SULF1: variants seen among roughly 807,000 people sequenced by gnomAD.
The protein encoded by SULF1 is sulfatase 1, also known as extracellular sulfatase Sulf-1.
Under a neutral mutation model 110.5 loss-of-function variants are expected in SULF1, and 46 were observed. The ratio of observed to expected loss-of-function variants is 0.42; its 90% CI spans 0.33 to 0.53. The LOEUF is 0.53. Ranked by LOEUF, SULF1 falls within the 20% of genes least tolerant of loss-of-function variation. The pLI is 0.12. For synonymous variants in SULF1, 371 were observed against 387.1 expected, an observed-to-expected ratio of 0.96 and a Z score of 0.49; for missense variants, 941 against 1,094.2, an observed-to-expected ratio of 0.86 and a Z score of 1.98.
intron 22 of SULF1, among the ~76,000 whole-genome samples, chr8:69,652,286 A>G (rs1812401084): frequency 6.6e-6 from 1 of 152,218 alleles, no homozygotes; most frequent in South Asian, 2.1e-4. Flanking sequence ...TTGGCCAGGT[A>G]AAGGAACTTG....
intron 21 of SULF1, 128 bp downstream of exon 21, chr8:69,638,986 A>G (rs911768196): frequency 1.2e-5 from 11 of 943,030 alleles, no homozygotes; most frequent in Admixed American, 3.1e-5. Flanking sequence ...GACACTTTCC[A>G]GGCAATTCTA....
intron 5 of SULF1, among the ~76,000 whole-genome samples, chr8:69,572,194 CT>C (rs1355264376): frequency 6.6e-6 from 1 of 152,186 alleles, no homozygotes; most frequent in Non-Finnish European, 1.5e-5. Context: ...AATTCTGTTT[CT>C]CATCTTGAAA....
intron 8 of SULF1, among the ~76,000 whole-genome samples, chr8:69,590,175 T>A (rs1017803384): frequency 1.3e-5 from 2 of 152,190 alleles, no homozygotes. Flanking sequence ...TGTTCTCTTT[T>A]TTTTGAGACA....
At chr8:69,552,530 G>A (rs60850795) in intron 3 of SULF1, among the ~76,000 whole-genome samples, 2,437 of 152,314 alleles carry the variant, frequency 0.016, 65 homozygotes, top group African/African-American at 0.056. Context: ...TGGTACATAA[G>A]GACATTTTTC....
At chr8:69,603,402 C>T in intron 11 of SULF1, 82 bp downstream of exon 11, 1 of 1,601,142 alleles carries the variant, frequency 6.2e-7, no homozygotes, top group Non-Finnish European at 8.5e-7. Flanking sequence ...CAGCTGAAGA[C>T]ATGGAGGCAG....
chr8:69,564,117 G>C lies in SULF1; in HGVS notation c.142G>C (p.Val48Leu). 1 of 1,614,164 alleles carries C rather than the reference G, an allele frequency of 6.2e-7. No individual in the cohort carries two copies. The highest frequency in any genetic ancestry group is 1.3e-5 in the African/African-American group (1 of 75,034). Residue 48 changes from valine to leucine, a missense_variant, in exon 5 of 23, where the codon GTG becomes CTG. Physicochemically the swap from Val to Leu is conservative, Grantham distance 32 (BLOSUM62 1). This residue lies in a region of SULF1 where 822 missense variants were observed against 934.3 expected (regional missense o/e 0.88). Transcript: ENST00000402687. ...AAACATCCGACCCAACATTATTCTTGTGCTTACCGATGATCAAGATGTGGA... is the reference window on the plus strand; with the variant it reads ...AAACATCCGACCCAACATTATTCTTCTGCTTACCGATGATCAAGATGTGGA... ...RKNIRPNIIL[V>L]LTDDQDVELG...
At chr8:69,510,214 T>G (rs940011611) in intron 3 of SULF1, among the ~76,000 whole-genome samples, 6 of 152,104 alleles carry the variant, frequency 3.9e-5, no homozygotes, top group Non-Finnish European at 8.8e-5. Flanking sequence ...CGTTCAAGAG[T>G]TATCACCCAC....
intron 3 of SULF1, among the ~76,000 whole-genome samples, chr8:69,535,962 G>C (rs1195227001): frequency 1.3e-5 from 2 of 151,622 alleles, no homozygotes; most frequent in Non-Finnish European, 2.9e-5. Flanking sequence ...AGGTTGCAGT[G>C]AGCCGAGATT....
intron 5 of SULF1, among the ~76,000 whole-genome samples, chr8:69,566,569 G>A (rs11991463): frequency 0.23 from 34,815 of 152,064 alleles, 4,256 homozygotes; most frequent in African/African-American, 0.32. Context: ...CTAGCTCATT[G>A]GCTGGGTGTG....
intron 6 of SULF1, among the ~76,000 whole-genome samples, chr8:69,580,930 A>G (rs566830038): frequency 1.9e-3 from 286 of 151,984 alleles, no homozygotes; most frequent in Non-Finnish European, 3.2e-3. Flanking sequence ...TTTATTCTCT[A>G]ATATGAGATT....
chr8:69,649,130 A>T (rs768228378), intron 22 of SULF1, among the ~76,000 whole-genome samples: 1 of 152,244 alleles, frequency 6.6e-6, no homozygotes, highest in Non-Finnish European at 1.5e-5. Flanking sequence ...AAACCAGGAG[A>T]CACATGGAAA....
At chr8:69,513,072 ATCTG>A (rs894847440) in intron 3 of SULF1, among the ~76,000 whole-genome samples, 23 of 152,324 alleles carry the variant, frequency 1.5e-4, no homozygotes, top group Admixed American at 2.6e-4. Flanking sequence ...CTAGGATATT[ATCTG>A]TCTATTTATT....
rs561676465 is a variant in SULF1, at chr8:69,482,224, C to T, written c.-390-13541C>T. On this transcript the variant is annotated intron_variant, in intron 1 of 22. Coordinates refer to the SULF1 transcript ENST00000260128. ...ACTGAGAAAAATTTGGCACTATAAC[C>T]GGCTAGATAATGGGCTCTCTTCATT... 4.4e-4 allele frequency among the ~76,000 whole-genome samples: 67 copies of T among 152,238 alleles called. 1 individual carries two copies. The highest frequency in any genetic ancestry group is 3.4e-3 in the Middle Eastern group (1 of 294).
chr8:69,589,238 G>C (rs988367949), intron 8 of SULF1, 97 bp downstream of exon 8: 3 of 1,180,214 alleles, frequency 2.5e-6, no homozygotes. Flanking sequence ...TCCACCCTGC[G>C]TATCCACAAG....
chr8:69,592,632 A>G (rs1387063851), intron 8 of SULF1, among the ~76,000 whole-genome samples: 3 of 152,216 alleles, frequency 2.0e-5, no homozygotes, highest in African/African-American at 7.2e-5. Flanking sequence ...ATGTGATGTC[A>G]TGAAGAGAAA....
chr8:69,589,018 A>G lies in SULF1; in HGVS notation c.611A>G (p.Lys204Arg). ...LITNESINYF[K>R]MSKRMYPHRP... ...ACTAACGAGAGCATTAATTACTTCA[A>G]AATGTCTAAGAGAATGTATCCCCAT... The change falls in exon 8 of 23, where the codon AAA (lysine) becomes AGA (arginine). Residue 204 changes from lysine to arginine, a missense_variant. Physicochemically the swap from Lys to Arg is conservative, Grantham distance 26. Coordinates refer to ENST00000402687, the MANE Select transcript of SULF1 (RefSeq NM_001128205.2). 1.2e-6 allele frequency: 2 copies of G among 1,614,134 alleles called. No homozygotes were observed. Among genetic ancestry groups the G allele is most frequent in the Non-Finnish European group, 1.7e-6 (2 of 1,179,990 alleles).
intron 6 of SULF1, among the ~76,000 whole-genome samples, chr8:69,584,899 T>G (rs1806336031): frequency 6.6e-6 from 1 of 152,212 alleles, no homozygotes; most frequent in Admixed American, 6.5e-5. Flanking sequence ...TGTACATCAT[T>G]AAGTTTAAAA....
intron 3 of SULF1, among the ~76,000 whole-genome samples, chr8:69,518,390 T>A (rs1812077762): frequency 6.6e-6 from 1 of 152,234 alleles, no homozygotes; most frequent in South Asian, 2.1e-4. Context: ...TGACTAATTT[T>A]TCTCCTGGTT....
intron 2 of SULF1, among the ~76,000 whole-genome samples, chr8:69,497,458 G>A (rs1810447433): frequency 1.3e-5 from 2 of 152,060 alleles, no homozygotes; most frequent in Admixed American, 1.3e-4. Context: ...GCCCGGCCCA[G>A]AATGTTCTTA....
Sources: gnomAD v4.1 joint callset for allele counts (sites outside exome capture counted in the v4.1 genomes callset) on GRCh38, gnomAD v4.1.1 for gene constraint, gnomAD v4.1.1 regional missense constraint, MANE v1.5 for transcripts, NCBI Gene and HGNC (gene_info 2026-07-23, HGNC 2026-07-21) for gene names.